The following HCN1 variants were observed in gnomAD, a reference collection of about 807,000 sequenced individuals.
HCN1 encodes the protein hyperpolarization activated cyclic nucleotide gated potassium channel 1.
A neutral mutation model predicts 78.9 loss-of-function variants in HCN1; 13 were observed. The ratio of observed to expected loss-of-function variants is 0.16; its 90% CI spans 0.11 to 0.26. The LOEUF is 0.26. Ranked by LOEUF, HCN1 falls within the 10% of genes least tolerant of loss-of-function variation. HCN1 has a pLI of 1.00. For synonymous variants in HCN1, 552 were observed against 455.5 expected (o/e 1.21, Z -2.70); for missense variants, 810 against 1,154.3 (o/e 0.70, Z 4.32).
intron 2 of HCN1, among the ~76,000 whole-genome samples, chr5:45,484,240 G>C (rs1292469344): frequency 6.6e-6 from 1 of 152,016 alleles, no homozygotes; most frequent in Non-Finnish European, 1.5e-5. Context: ...AGACCATCCT[G>C]GCTAACACGG....
At chr5:45,347,199 T>G (rs1437006943) in intron 5 of HCN1, among the ~76,000 whole-genome samples, 1 of 152,208 alleles carries the variant, frequency 6.6e-6, no homozygotes, top group Non-Finnish European at 1.5e-5. Context: ...CAGCAGAATT[T>G]GTGGTTCACG....
At chr5:45,402,331 G>A (rs1739830900) in intron 3 of HCN1, among the ~76,000 whole-genome samples, 1 of 152,148 alleles carries the variant, frequency 6.6e-6, no homozygotes, top group African/African-American at 2.4e-5. Flanking sequence ...CTTAACTAAG[G>A]ATGATTTTAC....
intron 4 of HCN1, among the ~76,000 whole-genome samples, chr5:45,359,416 A>T (rs2036377): frequency 0.43 from 61,827 of 142,230 alleles, 14,607 homozygotes; most frequent in Non-Finnish European, 0.52. Flanking sequence ...AAAAAAAAAA[A>T]ATATATATAT....
chr5:45,537,418 A>C (rs1742987730), intron 2 of HCN1, among the ~76,000 whole-genome samples: 1 of 146,458 alleles, frequency 6.8e-6, no homozygotes, highest in Non-Finnish European at 1.5e-5. Context: ...TTTTAACAAT[A>C]CCTCTGTTTG....
chr5:45,422,374 G>T (rs1163837278), intron 3 of HCN1, among the ~76,000 whole-genome samples: 1 of 151,822 alleles, frequency 6.6e-6, no homozygotes, highest in East Asian at 1.9e-4. Flanking sequence ...TATTTCTTTT[G>T]TTGTAGAGGT....
At chr5:45,398,202 G>A (rs1274700260) in intron 3 of HCN1, among the ~76,000 whole-genome samples, 1 of 151,760 alleles carries the variant, frequency 6.6e-6, no homozygotes, top group Non-Finnish European at 1.5e-5. Flanking sequence ...ATTTCACATT[G>A]AATTTAGTTT....
At chr5:45,349,226 A>C (rs533260925) in intron 5 of HCN1, among the ~76,000 whole-genome samples, 2 of 152,210 alleles carry the variant, frequency 1.3e-5, no homozygotes, top group Non-Finnish European at 2.9e-5. Context: ...AACTCACTCA[A>C]AGCCACTCAA....
At chr5:45,550,350 A>C (rs927861031) in intron 2 of HCN1, among the ~76,000 whole-genome samples, 10 of 152,178 alleles carry the variant, frequency 6.6e-5, no homozygotes, top group African/African-American at 2.4e-4. Flanking sequence ...CTTTGTAGGG[A>C]CATGGATGAC....
chr5:45,449,682 G>T (rs1740875128), intron 3 of HCN1, among the ~76,000 whole-genome samples: 1 of 150,236 alleles, frequency 6.7e-6, no homozygotes, highest in Admixed American at 6.7e-5. Context: ...GTACCCATAT[G>T]ACACCTGGTC....
chr5:45,681,889 T>C (rs1466229188), intron 1 of HCN1, among the ~76,000 whole-genome samples: 1 of 152,142 alleles, frequency 6.6e-6, no homozygotes, highest in Non-Finnish European at 1.5e-5. Context: ...AGAAGGGCCA[T>C]GCCAAATACA....
chr5:45,439,404 G>A (rs1740626082), intron 3 of HCN1, among the ~76,000 whole-genome samples: 1 of 152,026 alleles, frequency 6.6e-6, no homozygotes, highest in East Asian at 1.9e-4. Flanking sequence ...TGGGCCAAAT[G>A]ATACCTTAAC....
intron 4 of HCN1, among the ~76,000 whole-genome samples, chr5:45,379,944 G>T (rs750488503): frequency 1.3e-5 from 2 of 151,958 alleles, no homozygotes; most frequent in Non-Finnish European, 2.9e-5. Context: ...GAAAAAAAGA[G>T]AGGCATATTT....
chr5:45,453,003 T>A lies in HCN1; in HGVS notation c.1011+8843A>T, dbSNP rs1252793191. ...TATCTCTAGAGTAGCATAATTAGAC[T>A]GGGGTATAAAGCAGGAGGGATAAAA... On this transcript the variant is annotated intron_variant, in intron 3 of 7. Coordinates refer to ENST00000303230, the MANE Select transcript of HCN1 (RefSeq NM_021072.4). Among the ~76,000 whole-genome samples the A allele has an allele frequency of 2.6e-5, 4 of 151,962 alleles. No individual in the cohort carries two copies. In the East Asian group the frequency reaches 7.7e-4, roughly 29 times the overall value.
chr5:45,277,797 G>T (rs1250190143), intron 6 of HCN1, among the ~76,000 whole-genome samples: 1 of 152,088 alleles, frequency 6.6e-6, no homozygotes, highest in Non-Finnish European at 1.5e-5. Flanking sequence ...TCTTTCGATG[G>T]GGATGCTTCA....
intron 4 of HCN1, 26 bp downstream of exon 4, chr5:45,396,466 C>T: frequency 6.3e-7 from 1 of 1,582,690 alleles, no homozygotes; most frequent in Admixed American, 1.7e-5. Context: ...TGGTTAAAGA[C>T]ATTGGCGATA....
intron 3 of HCN1, among the ~76,000 whole-genome samples, chr5:45,453,665 T>C (rs997714514): frequency 3.0e-4 from 45 of 152,254 alleles, no homozygotes; most frequent in African/African-American, 1.0e-3. Flanking sequence ...TATAACCAGC[T>C]ACCATACTGT....
intron 2 of HCN1, among the ~76,000 whole-genome samples, chr5:45,633,565 C>A (rs574246461): frequency 1.3e-5 from 2 of 151,944 alleles, no homozygotes; most frequent in Non-Finnish European, 2.9e-5. Context: ...TTGTTATGAT[C>A]ATTTATTTCC....
intron 2 of HCN1, among the ~76,000 whole-genome samples, chr5:45,484,996 C>A (rs1022717640): frequency 1.3e-5 from 2 of 152,092 alleles, no homozygotes; most frequent in African/African-American, 4.8e-5. Context: ...GTAAGCCTGG[C>A]CTTTTGAGCT....
At chr5:45,687,892 C>T (rs184120026) in intron 1 of HCN1, among the ~76,000 whole-genome samples, 2 of 152,224 alleles carry the variant, frequency 1.3e-5, no homozygotes, top group East Asian at 3.9e-4. Context: ...AGTTTCCCGA[C>T]TGAGAAAAAT....
Sources: gnomAD v4.1 joint callset for allele counts (sites outside exome capture counted in the v4.1 genomes callset) on GRCh38, gnomAD v4.1.1 for gene constraint, MANE v1.5 for transcripts, NCBI Gene and HGNC (gene_info 2026-07-23, HGNC 2026-07-21) for gene names.